GPR89B: variants seen among roughly 807,000 people sequenced by gnomAD.
GPR89B encodes golgi pH regulator B.
In GPR89B, 25 loss-of-function variants were observed where a neutral mutation model predicts 52.4. That is an observed-to-expected ratio of 0.48 (90% confidence interval 0.35 to 0.67). GPR89B has a LOEUF of 0.67. Ranked by LOEUF, GPR89B falls within the 30% of genes least tolerant of loss-of-function variation. The pLI is 0.01. For missense variants in GPR89B, 146 were observed against 450.2 expected (o/e 0.32, Z 6.11); for synonymous variants, 52 against 151.2 (o/e 0.34, Z 4.81).
chr1:147,942,640 A>G (rs1278811340), intron 3 of GPR89B, among the ~76,000 whole-genome samples: 2 of 143,408 alleles, frequency 1.4e-5, no homozygotes, highest in Admixed American at 7.0e-5. Context: ...GGAATTATTG[A>G]TAGATACTAC....
chr1:147,957,913 AAGT>A (rs1656240465), intron 7 of GPR89B, among the ~76,000 whole-genome samples: 1 of 151,652 alleles, frequency 6.6e-6, no homozygotes, highest in Admixed American at 6.6e-5. Context: ...AGATACAAAA[AAGT>A]AGCCGGGCGT....
At chr1:148,013,240 A>C in the GPR89B span, among the ~76,000 whole-genome samples, 2 of 152,092 alleles carry the variant, frequency 1.3e-5, no homozygotes, top group Non-Finnish European at 2.9e-5. Context: ...GAGGAAGAGG[A>C]GTCCGCCAGG....
At chr1:147,948,145 G>A (rs1414571102) in intron 5 of GPR89B, among the ~76,000 whole-genome samples, 12 of 151,048 alleles carry the variant, frequency 7.9e-5, no homozygotes, top group Admixed American at 2.6e-4. Flanking sequence ...GAAAAATGCC[G>A]ATAATGTAGT....
rs1214541931 is a variant in GPR89B, at chr1:147,978,656, C to T, written c.910-7543C>T. On this transcript the variant is annotated intron_variant, in intron 10 of 13. Transcript: ENST00000314163. ...CCTTCCCAGGGAGATCAGTTCTGCT[C>T]ATAAACCCCTACCTGGAGTTGCTGA... Among the ~76,000 whole-genome samples the T allele has an allele frequency of 4.4e-4, 66 of 151,596 alleles. 1 individual carries two copies. The highest frequency in any genetic ancestry group is 1.5e-3 in the African/African-American group (61 of 41,060).
In GPR89B at chr1:147,949,256, G is replaced by A. The variant is rs587749400; in HGVS notation, c.416-4089G>A. On this transcript the variant is annotated intron_variant, in intron 5 of 13. Coordinates refer to ENST00000314163, the MANE Select transcript of GPR89B (RefSeq NM_016334.5). The stretch of plus-strand genomic sequence containing the variant: ...AAAACCGCCATTGTCATCATGGCCC[G>A]GTCTCAATGAGCTGTTGGGTACACC... Among the ~76,000 whole-genome samples the A allele has an allele frequency of 2.0e-4, 30 of 151,974 alleles. No individual in the cohort carries two copies. In the East Asian group the frequency reaches 5.1e-3, roughly 26 times the overall value.
chr1:148,015,299 CTCTCT>C, the GPR89B span, among the ~76,000 whole-genome samples: 2 of 110,886 alleles, frequency 1.8e-5, no homozygotes, highest in Non-Finnish European at 3.7e-5. Flanking sequence ...TAGGATCTCT[CTCTCT>C]CTCTCTCTCT....
At chr1:147,958,878 T>C (rs1214497943) in intron 7 of GPR89B, among the ~76,000 whole-genome samples, 1 of 152,070 alleles carries the variant, frequency 6.6e-6, no homozygotes, top group Non-Finnish European at 1.5e-5. Flanking sequence ...CACAGTCCTT[T>C]ACCCAGTGGA....
chr1:148,004,053 T>G, the GPR89B span: 1 of 437,546 alleles, frequency 2.3e-6, no homozygotes, highest in African/African-American at 2.2e-5. Flanking sequence ...AGAAAGTTTC[T>G]GTATAAAGGC....
chr1:148,007,380 T>C, the GPR89B span, among the ~76,000 whole-genome samples: 1 of 152,108 alleles, frequency 6.6e-6, no homozygotes, highest in Non-Finnish European at 1.5e-5. Context: ...CGGCCTGAGC[T>C]ATTATTTTTT....
At chr1:147,987,355 A>T (rs1658740852) in intron 11 of GPR89B, among the ~76,000 whole-genome samples, 1 of 151,702 alleles carries the variant, frequency 6.6e-6, no homozygotes, top group Middle Eastern at 3.4e-3. Context: ...ACCTGTCTCT[A>T]GAAAAAATAT....
the GPR89B span, among the ~76,000 whole-genome samples, chr1:148,016,851 T>TA: frequency 2.0e-5 from 3 of 149,900 alleles, no homozygotes; most frequent in Non-Finnish European, 4.4e-5. Flanking sequence ...TCTTTTCATT[T>TA]AAAAAAAAAT....
chr1:147,980,365 A>G (rs1658147773), intron 10 of GPR89B, among the ~76,000 whole-genome samples: 1 of 120,816 alleles, frequency 8.3e-6, no homozygotes, highest in South Asian at 3.3e-4. Context: ...TTTTTTAAAG[A>G]TACAGGGTTT....
the GPR89B span, chr1:148,011,874 C>G: frequency 6.6e-6 from 1 of 152,150 alleles, no homozygotes; most frequent in Non-Finnish European, 1.5e-5. Flanking sequence ...CTTTATACCT[C>G]TTGGACACTC....
At chr1:147,965,175 CCAGG>C (rs1342458781) in intron 7 of GPR89B, among the ~76,000 whole-genome samples, 18 of 151,190 alleles carry the variant, frequency 1.2e-4, no homozygotes, top group Non-Finnish European at 2.1e-4. Flanking sequence ...CACTCAGTAT[CCAGG>C]CAAAGGTCAT....
At chr1:148,021,138 G>A in the GPR89B span, among the ~76,000 whole-genome samples, 8 of 151,836 alleles carry the variant, frequency 5.3e-5, no homozygotes, top group Non-Finnish European at 1.0e-4. Flanking sequence ...AGAGGTACCT[G>A]GTCACTGATT....
chr1:147,964,958 C>T (rs1438877621), intron 7 of GPR89B, among the ~76,000 whole-genome samples: 1 of 151,866 alleles, frequency 6.6e-6, no homozygotes, highest in Admixed American at 6.5e-5. Context: ...TGGAATAGAA[C>T]CCTTGCCTTC....
intron 10 of GPR89B, among the ~76,000 whole-genome samples, chr1:147,971,899 G>A (rs1244637184): frequency 4.0e-5 from 6 of 151,304 alleles, no homozygotes; most frequent in Non-Finnish European, 7.4e-5. Context: ...CCATCACCAC[G>A]GTCAAGACAG....
At chr1:147,970,492 TC>T (rs1260846532) in intron 10 of GPR89B, among the ~76,000 whole-genome samples, 59 of 46,042 alleles carry the variant, frequency 1.3e-3, no homozygotes, top group African/African-American at 6.9e-3. Context: ...TGAGACTCCA[TC>T]TCTCTCTCTC....
At chr1:147,997,341 G>A (rs2149100422), downstream of GPR89B, among the ~76,000 whole-genome samples, 1 of 152,332 alleles carries the variant, frequency 6.6e-6, no homozygotes, top group East Asian at 1.9e-4. Flanking sequence ...TAGCATGCGA[G>A]TCTGAGTGAA....
Sources: allele counts gnomAD v4.1 joint callset (sites outside exome capture counted in the v4.1 genomes callset), GRCh38; gene constraint gnomAD v4.1.1; transcripts MANE v1.5; gene names NCBI Gene and HGNC (gene_info 2026-07-23, HGNC 2026-07-21).